The following PDZD2 variants were observed in gnomAD, a reference collection of about 807,000 sequenced individuals.
PDZD2 encodes PDZ domain containing 2.
A neutral mutation model predicts 220.7 loss-of-function variants in PDZD2; 90 were observed. That is an observed-to-expected ratio of 0.41 (90% CI 0.34 to 0.49). The LOEUF (loss-of-function observed/expected upper bound fraction) is 0.49, where lower values mean the gene tolerates loss of function less well. PDZD2 is among the 20% of genes least tolerant of loss of function. PDZD2 has a pLI of 0.28. For missense variants in PDZD2, 3,174 were observed against 3,608.5 expected, an observed-to-expected ratio of 0.88 and a Z score of 3.08; for synonymous variants, 1,375 against 1,450.5, an observed-to-expected ratio of 0.95 and a Z score of 1.18.
At chr5:32,104,991 C>T (rs1016147230) in intron 24 of PDZD2, among the ~76,000 whole-genome samples, 23 of 151,730 alleles carry the variant, frequency 1.5e-4, no homozygotes, top group African/African-American at 5.3e-4. Context: ...AGAAATTACT[C>T]GGGTGTGGCG....
At chr5:31,763,245 C>T (rs1454616036) in intron 1 of PDZD2, among the ~76,000 whole-genome samples, 1 of 152,134 alleles carries the variant, frequency 6.6e-6, no homozygotes, top group Non-Finnish European at 1.5e-5. Context: ...CAGAGCACCT[C>T]CCTGCCAGGG....
At chr5:32,096,293 G>T (rs1180846904) in intron 21 of PDZD2, among the ~76,000 whole-genome samples, 1 of 151,982 alleles carries the variant, frequency 6.6e-6, no homozygotes, top group Non-Finnish European at 1.5e-5. Flanking sequence ...AGTTCTGCGG[G>T]ACAGTCTAGG....
At position 32,090,815 on chromosome 5, in the gene PDZD2, T is replaced by C; in HGVS notation, c.7367T>C (p.Met2456Thr). The change falls in exon 20 of 25, where the codon ATG (methionine) becomes ACG (threonine). Residue 2456 changes from methionine (M) to threonine (T), a missense_variant. Coordinates refer to ENST00000438447, the MANE Select transcript of PDZD2 (RefSeq NM_178140.4). This position sits in a 1 kb window ranked among gnomAD's most constrained non-coding sequence, Gnocchi z 4.3. Reference protein sequence around the residue: ...LGPLGIPTPTMTLASPVKRNK... With the variant: ...LGPLGIPTPTTTLASPVKRNK... Reference sequence around the variant, plus strand: ...CCTTTGGGAATTCCCACCCCAACGATGACCCTGGCTTCTCCTGTTAAGAGG... The same window carrying C: ...CCTTTGGGAATTCCCACCCCAACGACGACCCTGGCTTCTCCTGTTAAGAGG... The C allele has an allele frequency of 7.4e-6, 12 of 1,614,092 alleles. No individual in the cohort carries two copies. Among genetic ancestry groups the C allele is most frequent in the Non-Finnish European group, 8.5e-6 (10 of 1,180,014 alleles).
chr5:31,784,825 T>C (rs1753283543), intron 1 of PDZD2, among the ~76,000 whole-genome samples: 1 of 152,026 alleles, frequency 6.6e-6, no homozygotes, highest in Non-Finnish European at 1.5e-5. Flanking sequence ...AAGAATCGCT[T>C]GAACCCGGGA....
chr5:32,010,347 C>A lies in PDZD2; in HGVS notation c.1272C>A (p.Asp424Glu). Residue 424 changes from aspartate to glutamate, a missense_variant, in exon 6 of 25, where the codon GAC becomes GAA. Physicochemically the swap from Asp to Glu is conservative, Grantham distance 45 (BLOSUM62 2). Transcript: ENST00000438447. ...VVASKENSAE[D>E]LLRLTSKSLP... is the part of the protein sequence containing the mutation. ...CCCCATAGGAAAACTCCGCAGAGGACCTCCTCAGGTTAACATCTAAGAGCT... is the reference window on the plus strand; with the variant it reads ...CCCCATAGGAAAACTCCGCAGAGGAACTCCTCAGGTTAACATCTAAGAGCT... The A allele has an allele frequency of 6.2e-7, 1 of 1,604,734 alleles. No individual in the cohort carries two copies. The highest frequency in any genetic ancestry group is 8.5e-7 in the Non-Finnish European group (1 of 1,172,664).
At chr5:31,678,706 A>G (rs1244813961) in intron 1 of PDZD2, among the ~76,000 whole-genome samples, 1 of 152,162 alleles carries the variant, frequency 6.6e-6, no homozygotes, top group African/African-American at 2.4e-5. Flanking sequence ...TCCTGGGCCC[A>G]AGCCATCTTC....
chr5:31,734,896 A>G (rs1164733471), intron 1 of PDZD2, among the ~76,000 whole-genome samples: 1 of 152,228 alleles, frequency 6.6e-6, no homozygotes, highest in African/African-American at 2.4e-5. Flanking sequence ...AGCAACGAAG[A>G]GCAAATATGT....
intron 2 of PDZD2, among the ~76,000 whole-genome samples, chr5:31,964,990 G>C (rs955407350): frequency 2.0e-5 from 3 of 152,154 alleles, no homozygotes; most frequent in African/African-American, 7.2e-5. Context: ...CCAAAATGCT[G>C]GGATTACAGG....
chr5:31,792,221 C>G (rs369682274), intron 1 of PDZD2, among the ~76,000 whole-genome samples: 1 of 152,160 alleles, frequency 6.6e-6, no homozygotes, highest in Non-Finnish European at 1.5e-5. Context: ...GAGCAGGGAC[C>G]ACCAGGCTGG....
chr5:32,061,063 G>A lies in PDZD2; in HGVS notation c.2380G>A (p.Val794Ile). 6 of 1,614,184 alleles carry A rather than the reference G, an allele frequency of 3.7e-6. No homozygotes were observed. The highest frequency in any genetic ancestry group is 1.1e-5 in the South Asian group (1 of 91,090). ...CGTCCGCCATGCTGCTTTAAGCAAA[G>A]TCCACGCCATCTTGAGTAAATGCCC... ...VNVRHAALSKVHAILSKCPPG... is the reference protein window; with the variant it reads ...VNVRHAALSKIHAILSKCPPG... The change falls in exon 14 of 25, where the codon GTC becomes ATC. Residue 794 changes from valine to isoleucine, a missense_variant. By Grantham distance (29) the Val-to-Ile change is conservative. Coordinates refer to ENST00000438447, the MANE Select transcript of PDZD2 (RefSeq NM_178140.4).
chr5:31,753,612 TAAATAAAC>T (rs1211422078), intron 1 of PDZD2, among the ~76,000 whole-genome samples: 2 of 151,216 alleles, frequency 1.3e-5, no homozygotes, highest in African/African-American at 4.9e-5. Context: ...AATAAATAAA[TAAATAAAC>T]AAACAAACAA....
intron 1 of PDZD2, among the ~76,000 whole-genome samples, chr5:31,683,676 TG>T (rs1276907605): frequency 6.6e-6 from 1 of 152,216 alleles, no homozygotes; most frequent in Non-Finnish European, 1.5e-5. Context: ...CAAAGTAGTC[TG>T]TCTTATGGAC....
intron 2 of PDZD2, among the ~76,000 whole-genome samples, chr5:31,889,613 A>G (rs1740824447): frequency 6.6e-6 from 1 of 152,210 alleles, no homozygotes; most frequent in South Asian, 2.1e-4. Flanking sequence ...AAGGGGGAAA[A>G]GCCCTTTACT....
At chr5:31,816,287 C>CAAAAAAAAAAAAAAAAAAAAAAAAAAA (rs34233316) in intron 2 of PDZD2, among the ~76,000 whole-genome samples, 10 of 99,106 alleles carry the variant, frequency 1.0e-4, no homozygotes, top group South Asian at 3.0e-4. Flanking sequence ...GACTCCATCT[C>CAAAAAAAAAAAAAAAAAAAAAAAAAAA]AAAAAAAAAA....
chr5:31,730,088 A>G (rs2150155689), intron 1 of PDZD2, among the ~76,000 whole-genome samples: 2 of 152,334 alleles, frequency 1.3e-5, no homozygotes, highest in South Asian at 4.1e-4. Flanking sequence ...TCAGCCTCCC[A>G]AAGTGCTGGG....
At chr5:31,858,532 C>T (rs183924967) in intron 2 of PDZD2, among the ~76,000 whole-genome samples, 4 of 152,328 alleles carry the variant, frequency 2.6e-5, no homozygotes, top group Admixed American at 1.3e-4. Flanking sequence ...AAGATGATTA[C>T]AGCCCTTTCC....
chr5:32,089,366 C>T lies in PDZD2; in HGVS notation c.5918C>T (p.Ser1973Leu). 1 of 1,614,180 alleles carries T rather than the reference C, an allele frequency of 6.2e-7. No homozygotes were observed. Among genetic ancestry groups the T allele is most frequent in the Non-Finnish European group, 8.5e-7 (1 of 1,180,034 alleles). Residue 1973 changes from serine to leucine, a missense_variant, in exon 20 of 25, where the codon TCA (serine) becomes TTA (leucine). By Grantham distance (145) the Ser-to-Leu change is moderately radical. Transcript: ENST00000438447. ...GCCACCTCTGGGCCACTGAAACCCT[C>T]AGTGTCTGACACGAGCATCAGGACA... Reference protein sequence around the residue: ...PLATSGPLKPSVSDTSIRTFV... With the variant: ...PLATSGPLKPLVSDTSIRTFV...
chr5:32,013,363 C>T (rs1753479985), intron 6 of PDZD2, among the ~76,000 whole-genome samples: 1 of 145,494 alleles, frequency 6.9e-6, no homozygotes, highest in South Asian at 2.1e-4. Context: ...TGGCTTATAG[C>T]AGTAAAATTG....
chr5:31,689,350 T>TTTTTTTTTTTTC (rs1224459988), intron 1 of PDZD2, among the ~76,000 whole-genome samples: 34 of 58,264 alleles, frequency 5.8e-4, no homozygotes, highest in Non-Finnish European at 9.8e-4. Flanking sequence ...TATATATATA[T>TTTTTTTTTTTTC]ATATTTTTTT....
Sources: allele counts gnomAD v4.1 joint callset (sites outside exome capture counted in the v4.1 genomes callset), GRCh38; gene constraint gnomAD v4.1.1; non-coding constraint Gnocchi (gnomAD v3.1); transcripts MANE v1.5; gene names NCBI Gene and HGNC (gene_info 2026-07-23, HGNC 2026-07-21).